Variants in PTPRT observed in about 807,000 individuals in gnomAD.
PTPRT encodes receptor-type tyrosine-protein phosphatase T.
A neutral mutation model predicts 176.8 loss-of-function variants in PTPRT; 56 were observed. The ratio of observed to expected loss-of-function variants is 0.32; its 90% CI spans 0.26 to 0.40. The LOEUF (loss-of-function observed/expected upper bound fraction) is 0.40. Among genes scored for constraint, PTPRT ranks in the 10% least tolerant of loss-of-function variants. PTPRT has a pLI of 1.00. For synonymous variants in PTPRT, 783 were observed against 739.0 expected (o/e 1.06, Z -0.96); for missense variants, 1,540 against 1,908.2 (o/e 0.81, Z 3.60).
chr20:42,353,290 G>GTGCTTTCTCGTGCATTATCT (rs2058313424), intron 9 of PTPRT, among the ~76,000 whole-genome samples: 1 of 152,164 alleles, frequency 6.6e-6, no homozygotes, highest in Non-Finnish European at 1.5e-5. Context: ...TTGCTGACTG[G>GTGCTTTCTCGTGCATTATCT]TGCTTTCTCG....
chr20:43,004,938 A>G (rs751416688), intron 1 of PTPRT, among the ~76,000 whole-genome samples: 33 of 152,292 alleles, frequency 2.2e-4, no homozygotes, highest in East Asian at 5.8e-4. Flanking sequence ...GGCTTTGTAT[A>G]TAAGATACAT....
chr20:42,125,604 A>G (rs1987815326), intron 19 of PTPRT, among the ~76,000 whole-genome samples: 1 of 152,218 alleles, frequency 6.6e-6, no homozygotes, highest in East Asian at 1.9e-4. Flanking sequence ...AGTGCTCTTA[A>G]CCTACAGCTC....
At chr20:42,147,504 C>T (rs1988923275) in intron 17 of PTPRT, among the ~76,000 whole-genome samples, 2 of 152,176 alleles carry the variant, frequency 1.3e-5, no homozygotes, top group South Asian at 2.1e-4. Context: ...TGGGGCCCCA[C>T]AGAATAAATG....
intron 16 of PTPRT, among the ~76,000 whole-genome samples, chr20:42,180,163 C>T (rs994513806): frequency 3.6e-4 from 55 of 152,126 alleles, no homozygotes; most frequent in African/African-American, 1.3e-3. Context: ...TGGTTTCAAC[C>T]CATTTAATTT....
At chr20:43,058,952 A>G (rs1262438544) in intron 1 of PTPRT, among the ~76,000 whole-genome samples, 8 of 152,184 alleles carry the variant, frequency 5.3e-5, no homozygotes, top group African/African-American at 9.7e-5. Context: ...TGAGTATAGC[A>G]TCAGAGTGTG....
intron 1 of PTPRT, among the ~76,000 whole-genome samples, chr20:42,993,286 C>T (rs986444954): frequency 4.0e-5 from 6 of 150,124 alleles, no homozygotes; most frequent in South Asian, 2.1e-4. Flanking sequence ...GGCGTGGTGG[C>T]GGGTGCATGT....
rs138167004 is a variant in PTPRT at position 42,124,722 on chromosome 20, T to C, written c.2847+4032A>G. Among the ~76,000 whole-genome samples, 8 of 152,306 alleles carry C rather than the reference T, an allele frequency of 5.3e-5. No individual in the cohort carries two copies. In the East Asian group the frequency reaches 1.4e-3, roughly 26 times the overall value. ...AGTACTGTTTTGCCAGGAATCCCTA[T>C]AGAGACCCCAGGAATTTTATCTTTG... is the stretch of plus-strand genomic sequence containing the variant. On this transcript the variant is annotated intron_variant, in intron 19 of 30. Coordinates refer to ENST00000373187, the MANE Select transcript of PTPRT (RefSeq NM_007050.6).
chr20:42,392,594 A>G (rs951079479), intron 9 of PTPRT, among the ~76,000 whole-genome samples: 1 of 152,228 alleles, frequency 6.6e-6, no homozygotes, highest in African/African-American at 2.4e-5. Context: ...TGGTTCCTAG[A>G]AAAGATTGCA....
chr20:42,112,197 G>A (rs925528045), intron 22 of PTPRT, among the ~76,000 whole-genome samples: 3 of 152,222 alleles, frequency 2.0e-5, no homozygotes, highest in Admixed American at 6.5e-5. Context: ...ATGGATTCAG[G>A]TGGGTGGATC....
At chr20:42,556,240 G>C (rs1376717301) in intron 7 of PTPRT, among the ~76,000 whole-genome samples, 1 of 152,144 alleles carries the variant, frequency 6.6e-6, no homozygotes, top group Admixed American at 6.5e-5. Flanking sequence ...AGTTACTTGA[G>C]GCACATGGCC....
chr20:43,122,482 T>C (rs964249322), intron 1 of PTPRT, among the ~76,000 whole-genome samples: 2 of 152,196 alleles, frequency 1.3e-5, no homozygotes, highest in Non-Finnish European at 2.9e-5. Flanking sequence ...CCAAATCTCA[T>C]GTTGAAATGT....
At chr20:43,052,874 G>T (rs571509337) in intron 1 of PTPRT, among the ~76,000 whole-genome samples, 21 of 152,210 alleles carry the variant, frequency 1.4e-4, no homozygotes, top group South Asian at 4.1e-4. Context: ...GCATTTCTTT[G>T]CTAAGTTCAA....
intron 1 of PTPRT, among the ~76,000 whole-genome samples, chr20:43,040,256 T>C (rs1986550620): frequency 6.6e-6 from 1 of 152,116 alleles, no homozygotes; most frequent in African/African-American, 2.4e-5. Context: ...AAAAGACTGA[T>C]GAAAACCAGT....
intron 12 of PTPRT, among the ~76,000 whole-genome samples, chr20:42,288,483 CA>C (rs2057267598): frequency 6.6e-6 from 1 of 151,888 alleles, no homozygotes; most frequent in South Asian, 2.1e-4. Context: ...ACATAGTACC[CA>C]ATATGTAGTT....
Position 42,378,448 on chromosome 20 carries a change from T to C in PTPRT, c.1561-26163A>G, listed in dbSNP as rs550530998. Among the ~76,000 whole-genome samples, 40 of 152,316 alleles carry C rather than the reference T, an allele frequency of 2.6e-4. No individual in the cohort carries two copies. In the East Asian group the frequency reaches 2.7e-3, roughly 10 times the overall value. ...CCTGATGCCCTATTTTACTCTTCCT[T>C]TGCAACCTGATAGTATCTTTTTTGG... is the stretch of plus-strand genomic sequence containing the variant. On this transcript the variant is annotated intron_variant, in intron 9 of 30. Transcript: ENST00000373187.
At chr20:42,908,270 A>G (rs181995290) in intron 1 of PTPRT, among the ~76,000 whole-genome samples, 327 of 152,290 alleles carry the variant, frequency 2.1e-3, no homozygotes, top group African/African-American at 7.7e-3. Flanking sequence ...GATAATAATA[A>G]TAGCCACCCA....
chr20:42,102,078 T>C (rs1336503085), intron 26 of PTPRT, 46 bp downstream of exon 26: 3 of 1,590,512 alleles, frequency 1.9e-6, no homozygotes, highest in Non-Finnish European at 2.6e-6. Flanking sequence ...GAAGAATATT[T>C]GCCCTAGAAT....
chr20:42,664,775 C>A (rs1243155267), intron 7 of PTPRT, among the ~76,000 whole-genome samples: 2 of 152,036 alleles, frequency 1.3e-5, no homozygotes, highest in African/African-American at 4.8e-5. Context: ...CAGAACAGAG[C>A]CCTCAGAAAT....
At chr20:42,407,893 A>G (rs1269868373) in intron 9 of PTPRT, among the ~76,000 whole-genome samples, 2 of 152,156 alleles carry the variant, frequency 1.3e-5, no homozygotes, top group Non-Finnish European at 2.9e-5. Context: ...TCATAATGTG[A>G]CTTAAATAAT....
Sources: gnomAD v4.1 joint callset for allele counts (sites outside exome capture counted in the v4.1 genomes callset) on GRCh38, gnomAD v4.1.1 for gene constraint, MANE v1.5 for transcripts, NCBI Gene and HGNC (gene_info 2026-07-23, HGNC 2026-07-21) for gene names.